The following SLC22A25 variants were observed in gnomAD, a reference collection of about 807,000 sequenced individuals.
SLC22A25 encodes the protein solute carrier family 22 member 25.
Under a neutral mutation model 45.9 loss-of-function variants are expected in SLC22A25, and 44 were observed. That is an observed-to-expected ratio of 0.96 (90% CI 0.75 to 1.23). The LOEUF is 1.23. Ranked by LOEUF, SLC22A25 falls within the 50% of genes most tolerant of loss-of-function variation. The probability of loss-of-function intolerance (pLI) is 0.00; values close to 1 mark genes in which losing one functional copy is unlikely to be tolerated. For synonymous variants in SLC22A25, 283 were observed against 238.6 expected, an observed-to-expected ratio of 1.19 and a Z score of -1.72; for missense variants, 800 against 666.4, an observed-to-expected ratio of 1.20 and a Z score of -2.21.
chr11:63,192,946 G>C lies in SLC22A25; in HGVS notation c.831-9129C>G, dbSNP rs145856568. ...ATCATCAAGACAGAAAATTAACAAA[G>C]ATATTCAGGAGCTGACATCAGCACT... On this transcript the variant is annotated intron_variant, in intron 7 of 11. Coordinates refer to ENST00000306494, the MANE Select transcript of SLC22A25 (RefSeq NM_199352.6). Among the ~76,000 whole-genome samples the C allele has an allele frequency of 7.4e-3, 1,131 of 152,226 alleles. 9 individuals are homozygous for C. Among genetic ancestry groups the C allele is most frequent in the African/African-American group, 0.025 (1,041 of 41,546 alleles).
intron 7 of SLC22A25, among the ~76,000 whole-genome samples, chr11:63,198,712 T>C (rs11494212): frequency 0.36 from 55,375 of 151,764 alleles, 10,408 homozygotes; most frequent in East Asian, 0.56. Context: ...GTACTTTAAG[T>C]ATAATAAAAA....
Position 63,212,286 on chromosome 11 carries a change from A to C in SLC22A25, c.830+5028T>G, listed in dbSNP as rs893382133. On this transcript the variant is annotated intron_variant, in intron 7 of 11. Transcript: ENST00000306494. ...ATTCCTCAGGGATCTAGAACTAGAA[A>C]TACCATTTGACCCAGCCATCCCATT... Among the ~76,000 whole-genome samples, 65 of 152,056 alleles carry C rather than the reference A, an allele frequency of 4.3e-4. 1 individual carries two copies. The highest frequency in any genetic ancestry group is 5.9e-5 in the Non-Finnish European group (4 of 68,014).
chr11:63,187,564 A>G (rs953026115), intron 7 of SLC22A25, among the ~76,000 whole-genome samples: 2 of 152,196 alleles, frequency 1.3e-5, no homozygotes, highest in Non-Finnish European at 1.5e-5. Context: ...TGCCCTGGCC[A>G]GAACTTCCAA....
chr11:63,189,744 T>G (rs2088721405), intron 7 of SLC22A25, among the ~76,000 whole-genome samples: 1 of 152,214 alleles, frequency 6.6e-6, no homozygotes, highest in African/African-American at 2.4e-5. Flanking sequence ...GGCCTAATGG[T>G]GACAAAATCT....
At chr11:63,172,890 A>C (rs1315762749) in intron 9 of SLC22A25, among the ~76,000 whole-genome samples, 1 of 152,136 alleles carries the variant, frequency 6.6e-6, no homozygotes, top group East Asian at 1.9e-4. Flanking sequence ...AGGATTAGAA[A>C]TCATTCTACT....
At chr11:63,180,584 G>C in intron 9 of SLC22A25, 76 bp downstream of exon 9, 1 of 1,034,608 alleles carries the variant, frequency 9.7e-7, no homozygotes, top group Non-Finnish European at 1.4e-6. Flanking sequence ...CCTTCAACAT[G>C]TTGTATCATT....
chr11:63,166,394 G>A, intron 9 of SLC22A25, 136 bp from the exon 10 acceptor site: 1 of 1,448,634 alleles, frequency 6.9e-7, no homozygotes. Flanking sequence ...ATATTTTCTT[G>A]CAAGTTGATA....
chr11:63,165,486 C>T (rs1427112684), intron 10 of SLC22A25, among the ~76,000 whole-genome samples: 1 of 152,148 alleles, frequency 6.6e-6, no homozygotes, highest in African/African-American at 2.4e-5. Context: ...ACAATTGTCT[C>T]CTTCCTACTG....
At chr11:63,220,130 G>T in intron 5 of SLC22A25, 1 of 704,908 alleles carries the variant, frequency 1.4e-6, no homozygotes, top group Non-Finnish European at 2.1e-6. Flanking sequence ...GTAAGGTAGA[G>T]GTTGTAATAC....
intron 7 of SLC22A25, among the ~76,000 whole-genome samples, chr11:63,191,539 C>T (rs1050247042): frequency 3.9e-5 from 6 of 152,114 alleles, no homozygotes; most frequent in Admixed American, 2.0e-4. Flanking sequence ...GCTCAGTGCA[C>T]TGCACCCACT....
intron 3 of SLC22A25, among the ~76,000 whole-genome samples, chr11:63,232,069 T>C (rs1416946421): frequency 1.3e-5 from 2 of 152,244 alleles, no homozygotes; most frequent in African/African-American, 2.4e-5. Context: ...GGTAGCGTGA[T>C]GCTTCCAGCT....
rs947570975 is a variant in SLC22A25 at position 63,161,987 on chromosome 11, A to G, written c.*1837T>C. ...TTTAACTGAGGTAAGATGAGATCTC[A>G]TTGTAGTTTTGATTTGCATTTCTCT... On this transcript the variant is annotated 3_prime_UTR_variant, in exon 12 of 12. Transcript: ENST00000306494. Among the ~76,000 whole-genome samples the G allele has an allele frequency of 1.3e-5, 2 of 152,164 alleles. No individual in the cohort carries two copies. Among genetic ancestry groups the G allele is most frequent in the South Asian group, 2.1e-4 (1 of 4,832 alleles).
intron 5 of SLC22A25, among the ~76,000 whole-genome samples, chr11:63,221,201 A>G (rs1395550158): frequency 6.6e-6 from 1 of 152,098 alleles, no homozygotes; most frequent in East Asian, 1.9e-4. Flanking sequence ...GGAACCTCCA[A>G]ATTGTTTTCC....
At position 63,164,017 on chromosome 11, in the gene SLC22A25, G is replaced by A. The variant is rs139002638; in HGVS notation, c.1451C>T (p.Ser484Phe). Residue 484 changes from serine (S) to phenylalanine (F), a missense_variant, in exon 12 of 12, where the codon TCC becomes TTC. Ser to Phe is a radical substitution (Grantham distance 155). Transcript: ENST00000306494. ...ATATATGCTTAGGATCATCATGAGGGAAGCCAGGGCTCCCCCAATATTAGC... is the reference window on the plus strand; with the variant it reads ...ATATATGCTTAGGATCATCATGAGGAAAGCCAGGGCTCCCCCAATATTAGC... ...NFANIGGALA[S>F]LMMILSIYSR... The A allele has an allele frequency of 6.2e-7, 1 of 1,613,160 alleles. No individual in the cohort carries two copies. The highest frequency in any genetic ancestry group is 8.5e-7 in the Non-Finnish European group (1 of 1,179,518).
intron 10 of SLC22A25, 97 bp from the exon 11 acceptor site, chr11:63,164,731 C>T (rs1156276932): frequency 2.1e-6 from 2 of 951,658 alleles, no homozygotes; most frequent in Non-Finnish European, 3.3e-6. Context: ...GGAGGTGTTT[C>T]CAGGGGTAAA....
intron 3 of SLC22A25, among the ~76,000 whole-genome samples, chr11:63,233,871 T>C (rs1395945218): frequency 6.6e-6 from 1 of 152,234 alleles, no homozygotes; most frequent in Admixed American, 6.5e-5. Flanking sequence ...ACATCTTTAT[T>C]TCTGCCTTCA....
At chr11:63,168,052 C>A (rs968306581) in intron 9 of SLC22A25, 7 of 233,224 alleles carry the variant, frequency 3.0e-5, no homozygotes, top group Non-Finnish European at 5.3e-5. Flanking sequence ...CCAGCAAACT[C>A]CAGCAGACCT....
intron 5 of SLC22A25, among the ~76,000 whole-genome samples, chr11:63,220,916 G>T (rs186762067): frequency 9.2e-5 from 14 of 152,238 alleles, no homozygotes; most frequent in Admixed American, 9.2e-4. Flanking sequence ...TCAACATAAT[G>T]ATCTACAGTT....
rs980865649 is a variant in SLC22A25, at chr11:63,160,703, A to G, written c.*3121T>C. On this transcript the variant is annotated 3_prime_UTR_variant, in exon 12 of 12. Coordinates refer to ENST00000306494, the MANE Select transcript of SLC22A25 (RefSeq NM_199352.6). Reference sequence around the variant, plus strand: ...CACTGCACACCTGGAAAAGCTGCAGACACTCAATGCCAGGTCACAAAAGCA... The same window carrying G: ...CACTGCACACCTGGAAAAGCTGCAGGCACTCAATGCCAGGTCACAAAAGCA... 2.6e-5 allele frequency among the ~76,000 whole-genome samples: 4 copies of G among 152,184 alleles called. No homozygotes were observed. Among genetic ancestry groups the G allele is most frequent in the African/African-American group, 9.7e-5 (4 of 41,448 alleles).
Sources: gnomAD v4.1 joint callset for allele counts (sites outside exome capture counted in the v4.1 genomes callset) on GRCh38, gnomAD v4.1.1 for gene constraint, MANE v1.5 for transcripts, NCBI Gene and HGNC (gene_info 2026-07-23, HGNC 2026-07-21) for gene names.